The following KCNA6 variants were observed in gnomAD, a reference collection of about 807,000 sequenced individuals.
The protein encoded by KCNA6 is human brain potassium channel-2.
A neutral mutation model predicts 29.5 loss-of-function variants in KCNA6; 17 were observed. That is an observed-to-expected ratio of 0.58 (90% confidence interval 0.39 to 0.86). KCNA6 has a LOEUF of 0.86. Among genes scored for constraint, KCNA6 ranks in the 40% least tolerant of loss-of-function variants. KCNA6 has a pLI of 0.00. For synonymous variants in KCNA6, 296 were observed against 304.7 expected, an observed-to-expected ratio of 0.97 and a Z score of 0.30; for missense variants, 450 against 703.4, an observed-to-expected ratio of 0.64 and a Z score of 4.07.
chr12:4,826,337 TC>T, the KCNA6 span, among the ~76,000 whole-genome samples: 1 of 152,196 alleles, frequency 6.6e-6, no homozygotes, highest in African/African-American at 2.4e-5. Context: ...CACCAACTGG[TC>T]CAGGCTGAAA....
chr12:4,817,899 G>A (rs983555956), downstream of KCNA6, among the ~76,000 whole-genome samples: 46 of 152,184 alleles, frequency 3.0e-4, no homozygotes, highest in African/African-American at 1.0e-3. Flanking sequence ...TGCAAGGAGC[G>A]CAGACAGACC....
Position 4,810,307 on chromosome 12 carries a change from A to G in KCNA6, c.266A>G (p.Asn89Ser). The change falls in exon 1 of 1, where the codon AAC becomes AGC. Residue 89 changes from asparagine (N) to serine (S), a missense_variant. By Grantham distance (46) the Asn-to-Ser change is conservative. Transcript: ENST00000280684. This position sits in a 1 kb window ranked among gnomAD's most constrained non-coding sequence, Gnocchi z 7.5. ...AGGAACGAGTACTTCTTCGACCGCAACCGGCCCAGCTTCGACGCCATCCTC... is the reference window on the plus strand; with the variant it reads ...AGGAACGAGTACTTCTTCGACCGCAGCCGGCCCAGCTTCGACGCCATCCTC... The G allele has an allele frequency of 1.2e-6, 2 of 1,614,032 alleles. No homozygotes were observed. The highest frequency in any genetic ancestry group is 1.7e-6 in the Non-Finnish European group (2 of 1,180,020).
chr12:4,816,179 C>T (rs1366518014), downstream of KCNA6, among the ~76,000 whole-genome samples: 1 of 151,490 alleles, frequency 6.6e-6, no homozygotes, highest in African/African-American at 2.4e-5. Context: ...TTTTTTTCTT[C>T]TGCCACATGG....
At chr12:4,813,879 A>G (rs1344683755), downstream of KCNA6, 2 of 167,024 alleles carry the variant, frequency 1.2e-5, no homozygotes, top group Non-Finnish European at 2.9e-5. Context: ...CTGAGAAAAC[A>G]TTTTCTTTTC....
the KCNA6 span, among the ~76,000 whole-genome samples, chr12:4,826,325 C>T: frequency 1.3e-5 from 2 of 152,230 alleles, no homozygotes; most frequent in African/African-American, 4.8e-5. Flanking sequence ...CTGTCTGCTC[C>T]TCACCAACTG....
chr12:4,831,398 G>C, the KCNA6 span, among the ~76,000 whole-genome samples: 2 of 152,282 alleles, frequency 1.3e-5, no homozygotes, highest in East Asian at 3.9e-4. Context: ...CCGTCCTGCT[G>C]ACAGTGGATT....
At chr12:4,834,364 C>T in the KCNA6 span, among the ~76,000 whole-genome samples, 2 of 152,002 alleles carry the variant, frequency 1.3e-5, no homozygotes, top group African/African-American at 2.4e-5. Flanking sequence ...AAACTTACGT[C>T]GTGTCTTGTA....
the KCNA6 span, among the ~76,000 whole-genome samples, chr12:4,822,941 A>C: frequency 0.16 from 23,892 of 152,252 alleles, 1,954 homozygotes; most frequent in Non-Finnish European, 0.17. Context: ...TTATTGGCCG[A>C]AAGCTAAATG....
the KCNA6 span, among the ~76,000 whole-genome samples, chr12:4,831,235 C>T: frequency 1.3e-5 from 2 of 152,172 alleles, no homozygotes; most frequent in South Asian, 2.1e-4. Flanking sequence ...ACAAAGTGGT[C>T]CTTGAAGTTG....
At chr12:4,847,336 G>C in the KCNA6 span, among the ~76,000 whole-genome samples, 1 of 151,998 alleles carries the variant, frequency 6.6e-6, no homozygotes, top group Non-Finnish European at 1.5e-5. Flanking sequence ...TTCAATTCTT[G>C]AACGTTTAAA....
In KCNA6 at chr12:4,810,077, G is replaced by T; in HGVS notation, c.36G>T (p.Pro12=). 2 of 1,550,492 alleles carry T rather than the reference G, an allele frequency of 1.3e-6. No homozygotes were observed. The highest frequency in any genetic ancestry group is 1.7e-6 in the Non-Finnish European group (2 of 1,151,232). Residue 12 remains proline, a synonymous_variant, in exon 1 of 1, where the codon CCG becomes CCT. Transcript: ENST00000280684. This position sits in a 1 kb window ranked among gnomAD's most constrained non-coding sequence, Gnocchi z 7.5. The stretch of plus-strand genomic sequence containing the variant: ...AGAAATCCCTTACGCTGGCGGCGCC[G>T]GGGGAGGTCCGTGGGCCGGAGGGAG...
downstream of KCNA6, chr12:4,813,861 C>G (rs1041492634): frequency 6.0e-6 from 1 of 167,136 alleles, no homozygotes; most frequent in African/African-American, 2.4e-5. Context: ...TCACCCTCAT[C>G]ACCATCCCTG....
chr12:4,847,002 T>A, the KCNA6 span, among the ~76,000 whole-genome samples: 2 of 151,698 alleles, frequency 1.3e-5, no homozygotes, highest in Non-Finnish European at 2.9e-5. Context: ...GCCAGGATGG[T>A]CTCGATCTCC....
At chr12:4,846,776 TTTTTTTTTTTTTTTTA>T in the KCNA6 span, among the ~76,000 whole-genome samples, 2 of 67,720 alleles carry the variant, frequency 3.0e-5, no homozygotes, top group Non-Finnish European at 6.3e-5. Flanking sequence ...TTTTTTTTTT[TTTTTTTTTTTTTTTTA>T]ATTTGAGACG....
the KCNA6 span, chr12:4,839,204 T>TA: frequency 6.6e-6 from 1 of 152,206 alleles, no homozygotes; most frequent in Non-Finnish European, 1.5e-5. Flanking sequence ...AACATGGGTT[T>TA]AAACTGCATG....
chr12:4,845,033 C>T, the KCNA6 span, among the ~76,000 whole-genome samples: 1 of 152,150 alleles, frequency 6.6e-6, no homozygotes, highest in South Asian at 2.1e-4. Flanking sequence ...TCCTTTCCTC[C>T]TGGAGCCTTC....
chr12:4,813,432 G>A (rs1271459281), downstream of KCNA6: 1 of 167,138 alleles, frequency 6.0e-6, no homozygotes, highest in Non-Finnish European at 1.5e-5. Context: ...TACCCCCATA[G>A]GCAAGGCCTT....
chr12:4,836,004 A>C, the KCNA6 span, among the ~76,000 whole-genome samples: 3 of 149,686 alleles, frequency 2.0e-5, no homozygotes, highest in Admixed American at 6.7e-5. Context: ...CAATGGCACA[A>C]CCTTGGCTCA....
chr12:4,810,078 G>C lies in KCNA6; in HGVS notation c.37G>C (p.Gly13Arg). The C allele has an allele frequency of 6.4e-7, 1 of 1,553,682 alleles. No homozygotes were observed. The highest frequency in any genetic ancestry group is 8.7e-7 in the Non-Finnish European group (1 of 1,152,572). ...GAAATCCCTTACGCTGGCGGCGCCG[G>C]GGGAGGTCCGTGGGCCGGAGGGAGA... is the stretch of plus-strand genomic sequence containing the variant. The change falls in exon 1 of 1, where the codon GGG becomes CGG. Residue 13 changes from glycine (G) to arginine (R), a missense_variant. Around this residue, in one of 7 missense-constraint regions of KCNA6, gnomAD observed 72 missense variants for 64.2 expected, o/e 1.12. Transcript: ENST00000280684. This position sits in a 1 kb window ranked among gnomAD's most constrained non-coding sequence, Gnocchi z 7.5.
Sources: allele counts gnomAD v4.1 joint callset (sites outside exome capture counted in the v4.1 genomes callset), GRCh38; gene constraint gnomAD v4.1.1; regional missense constraint gnomAD v4.1.1; non-coding constraint Gnocchi (gnomAD v3.1); transcripts MANE v1.5; gene names NCBI Gene and HGNC (gene_info 2026-07-23, HGNC 2026-07-21).